The following SLC44A1 variants were observed in gnomAD, a reference collection of about 807,000 sequenced individuals.
SLC44A1 encodes the protein solute carrier family 44 member 1, also known as choline transporter-like protein 1.
A neutral mutation model predicts 79.3 loss-of-function variants in SLC44A1; 26 were observed. The observed-to-expected ratio is 0.33, with a 90% CI of 0.24 to 0.46. The LOEUF (loss-of-function observed/expected upper bound fraction) is 0.46. Ranked by LOEUF, SLC44A1 falls within the 20% of genes least tolerant of loss-of-function variation. The pLI, the probability that SLC44A1 is intolerant of heterozygous loss-of-function variation, is 1.00. For synonymous variants in SLC44A1, 263 were observed against 286.2 expected, an observed-to-expected ratio of 0.92 and a Z score of 0.82; for missense variants, 688 against 798.1, an observed-to-expected ratio of 0.86 and a Z score of 1.66.
intron 4 of SLC44A1, among the ~76,000 whole-genome samples, chr9:105,340,632 G>T (rs1329479111): frequency 6.6e-6 from 1 of 152,166 alleles, no homozygotes; most frequent in Non-Finnish European, 1.5e-5. Flanking sequence ...CTTATTTTAA[G>T]ATGCAAGGCA....
chr9:105,433,057 G>C (rs974490882), intron 15 of SLC44A1, among the ~76,000 whole-genome samples: 28 of 152,144 alleles, frequency 1.8e-4, no homozygotes, highest in African/African-American at 6.8e-4. Context: ...CACTTTGGGA[G>C]GCCGAAGCGG....
intron 3 of SLC44A1, among the ~76,000 whole-genome samples, chr9:105,319,557 T>C (rs1826320573): frequency 6.6e-6 from 1 of 152,114 alleles, no homozygotes; most frequent in South Asian, 2.1e-4. Flanking sequence ...TTTGATACCA[T>C]GTGATCCCAA....
chr9:105,305,559 G>A lies in SLC44A1; in HGVS notation c.127-4165G>A, dbSNP rs188866135. Among the ~76,000 whole-genome samples the A allele has an allele frequency of 3.1e-3, 477 of 152,100 alleles. 1 individual carries two copies. The highest frequency in any genetic ancestry group is 0.011 in the African/African-American group (447 of 41,502). On this transcript the variant is annotated intron_variant, in intron 2 of 15. Coordinates refer to ENST00000374720, the MANE Select transcript of SLC44A1 (RefSeq NM_080546.5). ...TCGAGCCCAAGCACTGATGAGATAC[G>A]GGCTTTATAGAGGTTAAGTGAAGGA...
rs143615081 is a variant in SLC44A1 at position 105,256,082 on chromosome 9, G to A, written c.36+11178G>A. 6.7e-3 allele frequency among the ~76,000 whole-genome samples: 1,024 copies of A among 151,916 alleles called. 9 individuals are homozygous for A. The highest frequency in any genetic ancestry group is 0.023 in the African/African-American group (948 of 41,416). On this transcript the variant is annotated intron_variant, in intron 1 of 15. Coordinates refer to ENST00000374720, the MANE Select transcript of SLC44A1 (RefSeq NM_080546.5). ...TGGCTGGAGTGCAGTAGTGGATCTC[G>A]GCTCACTGCAACCTCCACCTCCCAG...
intron 13 of SLC44A1, among the ~76,000 whole-genome samples, chr9:105,376,322 C>T (rs938011629): frequency 7.4e-6 from 1 of 135,390 alleles, no homozygotes; most frequent in Non-Finnish European, 1.5e-5. Flanking sequence ...TATACACACA[C>T]ACACACACAC....
At chr9:105,312,982 T>G (rs1424513053) in intron 3 of SLC44A1, among the ~76,000 whole-genome samples, 1 of 152,176 alleles carries the variant, frequency 6.6e-6, no homozygotes, top group East Asian at 1.9e-4. Flanking sequence ...CACTCAGCCC[T>G]GCCCTTCCAG....
At chr9:105,361,924 A>T (rs949103795) in intron 8 of SLC44A1, among the ~76,000 whole-genome samples, 7 of 152,138 alleles carry the variant, frequency 4.6e-5, no homozygotes, top group African/African-American at 1.2e-4. Context: ...GCTGGTGTGC[A>T]CCTGTGGTCC....
At chr9:105,294,309 C>G (rs1432879093) in intron 1 of SLC44A1, among the ~76,000 whole-genome samples, 1 of 152,184 alleles carries the variant, frequency 6.6e-6, no homozygotes, top group Non-Finnish European at 1.5e-5. Flanking sequence ...TGTCTGGTAT[C>G]AATTCCTTGT....
In SLC44A1 at chr9:105,244,721, A is replaced by C; in HGVS notation, c.-148A>C. 3.0e-6 allele frequency: 1 copy of C among 335,262 alleles called. No individual in the cohort carries two copies. The highest frequency in any genetic ancestry group is 2.2e-5 in the African/African-American group (1 of 44,976). The allele number at this position is 335,262 out of a possible 1,614,324, so 20.8% of individuals were successfully genotyped here. On this transcript the variant is annotated 5_prime_UTR_variant, in exon 1 of 16. It removes the in-frame stop codon of an upstream open reading frame in the 5' UTR. Transcript: ENST00000374720. Reference sequence around the variant, plus strand: ...CTGCCTCTAGCCGCGCCGCCTCTTGAGTACCAGCCGCCGCTGCAGCCGCCG... The same window carrying C: ...CTGCCTCTAGCCGCGCCGCCTCTTGCGTACCAGCCGCCGCTGCAGCCGCCG...
At chr9:105,429,505 G>A (rs1829365372) in intron 15 of SLC44A1, among the ~76,000 whole-genome samples, 2 of 152,176 alleles carry the variant, frequency 1.3e-5, no homozygotes, top group South Asian at 4.1e-4. Flanking sequence ...GTTTTGCCAT[G>A]TTGTGCAGGC....
intron 15 of SLC44A1, among the ~76,000 whole-genome samples, chr9:105,423,090 T>C (rs74655031): frequency 0.03 from 4,551 of 152,290 alleles, 109 homozygotes; most frequent in Non-Finnish European, 0.049. Flanking sequence ...TCTACTCTTA[T>C]GTTAACAGTG....
intron 15 of SLC44A1, among the ~76,000 whole-genome samples, chr9:105,387,995 T>C (rs573973369): frequency 9.9e-5 from 15 of 152,232 alleles, no homozygotes; most frequent in Non-Finnish European, 2.2e-4. Flanking sequence ...ATTTTTGCTT[T>C]CATTTTATGC....
rs550534747 is a variant in SLC44A1, at chr9:105,408,155, AAAAAT to A, written c.1950+22668_1950+22672del. On this transcript the variant is annotated intron_variant, in intron 15 of 15. Transcript: ENST00000374724. ...GGCGACAGACTGAGATTCCGTCTCA[AAAAAT>A]AAAATAAAATAAAAACAAAAAACTG... Among the ~76,000 whole-genome samples the A allele has an allele frequency of 4.2e-4, 64 of 152,338 alleles. 1 individual carries two copies. In the South Asian group the frequency reaches 0.012, roughly 29 times the overall value.
chr9:105,386,228 C>G, intron 15 of SLC44A1: 1 of 983,198 alleles, frequency 1.0e-6, no homozygotes, highest in African/African-American at 1.7e-5. Flanking sequence ...GTAAGAGAAC[C>G]TTGAGCTGCT....
At chr9:105,355,636 T>A (rs77321649) in intron 5 of SLC44A1, among the ~76,000 whole-genome samples, 1 of 152,226 alleles carries the variant, frequency 6.6e-6, no homozygotes, top group Non-Finnish European at 1.5e-5. Context: ...ATTATGCTGT[T>A]TGTTGATGTC....
chr9:105,280,525 T>C (rs193008), intron 1 of SLC44A1, among the ~76,000 whole-genome samples: 36,418 of 152,172 alleles, frequency 0.24, 8,230 homozygotes, highest in African/African-American at 0.6. Context: ...TTTGTTAAAT[T>C]AGCTGTTCTG....
intron 3 of SLC44A1, among the ~76,000 whole-genome samples, chr9:105,325,598 C>A (rs994023311): frequency 2.0e-5 from 3 of 152,112 alleles, no homozygotes; most frequent in African/African-American, 4.8e-5. Flanking sequence ...TCTCTTCTTA[C>A]AAAGCCACCA....
At chr9:105,266,587 C>T (rs1434827861) in intron 1 of SLC44A1, among the ~76,000 whole-genome samples, 2 of 151,972 alleles carry the variant, frequency 1.3e-5, no homozygotes, top group Non-Finnish European at 2.9e-5. Flanking sequence ...ATTGAATTGC[C>T]TTTGTATCTT....
intron 2 of SLC44A1, among the ~76,000 whole-genome samples, chr9:105,300,778 AT>A (rs11416029): frequency 1.1e-3 from 154 of 144,416 alleles, no homozygotes; most frequent in Non-Finnish European, 1.1e-3. Context: ...GAGAAAAAAA[AT>A]TTTTTTTTTT....
Sources: allele counts gnomAD v4.1 joint callset (sites outside exome capture counted in the v4.1 genomes callset), GRCh38; gene constraint gnomAD v4.1.1; transcripts MANE v1.5; gene names NCBI Gene and HGNC (gene_info 2026-07-23, HGNC 2026-07-21).